The following STK32B variants were observed in gnomAD, a reference collection of about 807,000 sequenced individuals.
STK32B encodes the protein serine/threonine kinase 32B, also known as serine/threonine-protein kinase 32B.
In STK32B, 43 loss-of-function variants were observed where a neutral mutation model predicts 52.6. The observed-to-expected ratio is 0.82, with a 90% CI of 0.64 to 1.05. The LOEUF (loss-of-function observed/expected upper bound fraction) is 1.05, where lower values mean the gene tolerates loss of function less well. Among genes scored for constraint, STK32B ranks in the 50% least tolerant of loss-of-function variants. The pLI, the probability that STK32B is intolerant of heterozygous loss-of-function variation, is 0.00. For missense variants in STK32B, 621 were observed against 534.6 expected (o/e 1.16, Z -1.59); for synonymous variants, 238 against 204.3 (o/e 1.17, Z -1.41).
At chr4:5,045,173 G>A in the STK32B span, among the ~76,000 whole-genome samples, 6 of 152,200 alleles carry the variant, frequency 3.9e-5, no homozygotes, top group South Asian at 2.1e-4. Context: ...AGAAAGCCCC[G>A]AGTCTTTGAG....
At chr4:5,271,758 T>C (rs1461270706) in intron 3 of STK32B, among the ~76,000 whole-genome samples, 1 of 143,448 alleles carries the variant, frequency 7.0e-6, no homozygotes, top group Non-Finnish European at 1.5e-5. Flanking sequence ...TTTATTGTCT[T>C]TGAAGCATTT....
At chr4:5,317,655 G>A (rs1405315591) in intron 3 of STK32B, among the ~76,000 whole-genome samples, 42 of 148,408 alleles carry the variant, frequency 2.8e-4, no homozygotes. Context: ...AGTGGATGCT[G>A]GAGGATTCCA....
chr4:5,068,536 T>C (rs546863071), intron 1 of STK32B, among the ~76,000 whole-genome samples: 7 of 152,312 alleles, frequency 4.6e-5, no homozygotes, highest in African/African-American at 1.7e-4. Flanking sequence ...TAAGTTGTCT[T>C]AGGTGACATA....
At chr4:5,300,313 A>G (rs1368460728) in intron 3 of STK32B, among the ~76,000 whole-genome samples, 1 of 152,210 alleles carries the variant, frequency 6.6e-6, no homozygotes, top group Non-Finnish European at 1.5e-5. Context: ...TGACAAATCT[A>G]CAGCCAACAT....
chr4:5,308,135 G>A (rs1453127478), intron 3 of STK32B, among the ~76,000 whole-genome samples: 1 of 152,168 alleles, frequency 6.6e-6, no homozygotes, highest in South Asian at 2.1e-4. Flanking sequence ...TTTCAAGAGT[G>A]CATCAGCTGT....
chr4:5,137,586 T>G (rs1447290), intron 1 of STK32B, among the ~76,000 whole-genome samples: 147,192 of 152,220 alleles, frequency 0.97, 71,344 homozygotes, highest in East Asian at 1. Flanking sequence ...CTTTATGGAA[T>G]GTAGGCCCCA....
intron 1 of STK32B, among the ~76,000 whole-genome samples, chr4:5,095,676 C>T (rs1283446866): frequency 2.0e-5 from 3 of 152,196 alleles, no homozygotes; most frequent in Non-Finnish European, 2.9e-5. Context: ...TTGATCTCTT[C>T]TGGGTTCCAG....
chr4:5,044,410 A>C, the STK32B span, among the ~76,000 whole-genome samples: 1 of 152,138 alleles, frequency 6.6e-6, no homozygotes, highest in Non-Finnish European at 1.5e-5. Flanking sequence ...AACATGTCCC[A>C]GAGGGGACTC....
intron 1 of STK32B, among the ~76,000 whole-genome samples, chr4:5,080,081 C>G (rs1712324527): frequency 7.2e-6 from 1 of 138,800 alleles, no homozygotes; most frequent in Admixed American, 7.3e-5. Flanking sequence ...GTATTGTAGC[C>G]AGGTCTCAGC....
Position 5,469,465 on chromosome 4 carries a change from G to C in STK32B, c.1106+1395G>C, listed in dbSNP as rs1717691990. Among the ~76,000 whole-genome samples the C allele has an allele frequency of 1.3e-5, 2 of 152,336 alleles. No individual in the cohort carries two copies. Among genetic ancestry groups the C allele is most frequent in the African/African-American group, 2.4e-5 (1 of 41,596 alleles). On this transcript the variant is annotated intron_variant, in intron 11 of 11. Transcript: ENST00000282908. This position sits in a 1 kb window ranked among gnomAD's most constrained non-coding sequence, Gnocchi z 4.7. ...ACGCGGCATTCCAGGAGTAGGAAAA[G>C]TGCACAGAGAAGGAAGACAGCATGG...
At chr4:5,319,198 G>T (rs745785019) in intron 3 of STK32B, among the ~76,000 whole-genome samples, 2 of 152,106 alleles carry the variant, frequency 1.3e-5, no homozygotes, top group Non-Finnish European at 2.9e-5. Context: ...GAAACACCAG[G>T]ACGTAAACAC....
chr4:5,264,502 T>C (rs555528405), intron 3 of STK32B, among the ~76,000 whole-genome samples: 1 of 152,188 alleles, frequency 6.6e-6, no homozygotes, highest in East Asian at 1.9e-4. Context: ...ATTGTTGTGT[T>C]GTGACTGGGC....
At chr4:5,415,620 C>T (rs1712096141) in intron 5 of STK32B, among the ~76,000 whole-genome samples, 1 of 152,104 alleles carries the variant, frequency 6.6e-6, no homozygotes, top group African/African-American at 2.4e-5. Flanking sequence ...ACTTCAGCTT[C>T]ATCCACAAGT....
At position 5,279,182 on chromosome 4, in the gene STK32B, A is replaced by C. The variant is rs180920070; in HGVS notation, c.261-52038A>C. On this transcript the variant is annotated intron_variant, in intron 3 of 11. Transcript: ENST00000282908. ...AAAGTCCAAAGTCTCATCTGAGACA[A>C]GGCAAGTCCCTTCCACCTATAAGCC... Among the ~76,000 whole-genome samples, 551 of 152,356 alleles carry C rather than the reference A, an allele frequency of 3.6e-3. 2 individuals carry two copies. Among genetic ancestry groups the C allele is most frequent in the African/African-American group, 0.012 (495 of 41,582 alleles).
chr4:5,256,348 C>T (rs1297085187), intron 3 of STK32B, among the ~76,000 whole-genome samples: 1 of 152,152 alleles, frequency 6.6e-6, no homozygotes, highest in Non-Finnish European at 1.5e-5. Flanking sequence ...AGTGTTTAAG[C>T]TTGGTCTCCC....
chr4:5,209,668 C>T (rs1247091558), intron 3 of STK32B, among the ~76,000 whole-genome samples: 1 of 151,282 alleles, frequency 6.6e-6, no homozygotes, highest in Non-Finnish European at 1.5e-5. Flanking sequence ...TGTTAGAATC[C>T]CAGCAGCTGC....
Position 5,331,268 on chromosome 4 carries a change from C to T in STK32B, c.309C>T (p.Leu103=), listed in dbSNP as rs766833647. ...EEDMFMVVDL[L]LGGDLRYHLQ... ...ACATGTTCATGGTGGTGGACCTGCT[C>T]CTGGGAGGCGACCTGCGCTACCATC... The change falls in exon 4 of 12, where the codon CTC becomes CTT. Residue 103 remains leucine (L), a synonymous_variant. Transcript: ENST00000282908. 1.2e-5 allele frequency: 19 copies of T among 1,613,862 alleles called. No individual in the cohort carries two copies. The highest frequency in any genetic ancestry group is 1.5e-5 in the Non-Finnish European group (18 of 1,179,870).
intron 3 of STK32B, among the ~76,000 whole-genome samples, chr4:5,238,800 G>A (rs983632677): frequency 1.3e-5 from 2 of 152,256 alleles, no homozygotes; most frequent in East Asian, 1.9e-4. Flanking sequence ...AGTCCACTGC[G>A]TGTCAGCACC....
chr4:5,357,119 A>G (rs1734242811), intron 4 of STK32B, among the ~76,000 whole-genome samples: 1 of 152,094 alleles, frequency 6.6e-6, no homozygotes, highest in African/African-American at 2.4e-5. Flanking sequence ...ACATATATAT[A>G]CACACACCTT....
Sources: allele counts gnomAD v4.1 joint callset (sites outside exome capture counted in the v4.1 genomes callset), GRCh38; gene constraint gnomAD v4.1.1; non-coding constraint Gnocchi (gnomAD v3.1); transcripts MANE v1.5; gene names NCBI Gene and HGNC (gene_info 2026-07-23, HGNC 2026-07-21).